THADA: variants seen among roughly 807,000 people sequenced by gnomAD.
THADA encodes tRNA (32-2'-O)-methyltransferase regulator THADA.
In THADA, 213 loss-of-function variants were observed where a neutral mutation model predicts 219.8. The ratio of observed to expected loss-of-function variants is 0.97; its 90% CI spans 0.87 to 1.09. The LOEUF (loss-of-function observed/expected upper bound fraction) is 1.09, where lower values mean the gene tolerates loss of function less well. Ranked by LOEUF, THADA falls within the 50% of genes least tolerant of loss-of-function variation. The probability of loss-of-function intolerance (pLI) is 0.00; values close to 1 mark genes in which losing one functional copy is unlikely to be tolerated. For missense variants in THADA, 2,956 were observed against 2,311.3 expected, an observed-to-expected ratio of 1.28 and a Z score of -5.72; for synonymous variants, 1,018 against 828.9, an observed-to-expected ratio of 1.23 and a Z score of -3.92.
At chr2:43,463,522 C>T (rs542765233) in intron 26 of THADA, among the ~76,000 whole-genome samples, 3 of 152,246 alleles carry the variant, frequency 2.0e-5, no homozygotes, top group Admixed American at 6.5e-5. Flanking sequence ...AAAATGAAAT[C>T]CAAGATAGAA....
chr2:43,469,045 T>TA (rs1684600467), intron 26 of THADA, among the ~76,000 whole-genome samples: 1 of 151,604 alleles, frequency 6.6e-6, no homozygotes, highest in Non-Finnish European at 1.5e-5. Context: ...TACAAGGGAG[T>TA]ATGAGCCCCG....
chr2:43,344,337 A>G (rs1030975589), intron 29 of THADA, 100 bp from the exon 30 acceptor site: 1 of 778,364 alleles, frequency 1.3e-6, no homozygotes, highest in Non-Finnish European at 2.0e-6. Context: ...CCCCTCAAAG[A>G]AAACAGACAC....
In THADA at chr2:43,292,842, A is replaced by G; in HGVS notation, c.4810T>C (p.Phe1604Leu). Residue 1604 changes from phenylalanine to leucine, a missense_variant, in exon 32 of 38, where the codon TTC (phenylalanine) becomes CTC (leucine). Physicochemically the swap from Phe to Leu is conservative, Grantham distance 22. Coordinates refer to ENST00000405975, the MANE Select transcript of THADA (RefSeq NM_022065.5). ...LAMKENHPEC[F>L]CKILKILHCM... is the part of the protein sequence containing the mutation. ...TACGTTGGAGACTTTACCTTGCAGA[A>G]GCATTCTGGGTGATTTTCCTTCATG... The G allele has an allele frequency of 6.2e-7, 1 of 1,612,338 alleles. No homozygotes were observed. The highest frequency in any genetic ancestry group is 2.2e-5 in the East Asian group (1 of 44,876).
chr2:43,398,566 C>G (rs143264807), intron 28 of THADA, among the ~76,000 whole-genome samples: 3 of 151,958 alleles, frequency 2.0e-5, no homozygotes, highest in Non-Finnish European at 4.4e-5. Context: ...ACCAAAAGTA[C>G]GAGACAGTAT....
intron 31 of THADA, among the ~76,000 whole-genome samples, chr2:43,313,867 C>G (rs1439428822): frequency 6.6e-6 from 1 of 152,218 alleles, no homozygotes; most frequent in African/African-American, 2.4e-5. Context: ...CGTGAGGCCA[C>G]AGTGAGGGCA....
intron 26 of THADA, among the ~76,000 whole-genome samples, chr2:43,466,993 T>G (rs1351077299): frequency 6.6e-6 from 1 of 150,824 alleles, no homozygotes. Flanking sequence ...CCATCCTGGC[T>G]AACACGGTGA....
chr2:43,360,498 C>G (rs906532761), intron 29 of THADA, among the ~76,000 whole-genome samples: 3 of 152,216 alleles, frequency 2.0e-5, no homozygotes, highest in African/African-American at 7.2e-5. Flanking sequence ...CTTTTAAGTC[C>G]TAGCCTACTG....
intron 26 of THADA, chr2:43,430,513 C>T (rs1214257564): frequency 5.6e-6 from 3 of 536,940 alleles, no homozygotes; most frequent in Admixed American, 2.9e-5. Flanking sequence ...GAACTTTTAT[C>T]TCAAAATTTA....
chr2:43,306,377 T>TGA (rs1307924796), intron 31 of THADA, among the ~76,000 whole-genome samples: 1 of 152,212 alleles, frequency 6.6e-6, no homozygotes, highest in Non-Finnish European at 1.5e-5. Context: ...TTGTCCACCA[T>TGA]GACCCTGTTT....
chr2:43,406,527 GAGA>G (rs1479016908), intron 28 of THADA, among the ~76,000 whole-genome samples: 2 of 152,172 alleles, frequency 1.3e-5, no homozygotes, highest in Non-Finnish European at 2.9e-5. Context: ...TTAGACAGCT[GAGA>G]AGAAGATTCT....
At chr2:43,248,332 C>T (rs1669473616) in intron 36 of THADA, among the ~76,000 whole-genome samples, 2 of 151,514 alleles carry the variant, frequency 1.3e-5, no homozygotes, top group African/African-American at 2.4e-5. Context: ...CGGGTTCAAG[C>T]GATTCTCCCA....
intron 31 of THADA, among the ~76,000 whole-genome samples, chr2:43,296,073 C>T (rs187575240): frequency 3.7e-4 from 57 of 152,124 alleles, no homozygotes; most frequent in Middle Eastern, 3.4e-3. Context: ...GAGCATGCCA[C>T]CACGCCTGGC....
At chr2:43,322,141 A>G (rs1407671574) in intron 30 of THADA, among the ~76,000 whole-genome samples, 1 of 151,722 alleles carries the variant, frequency 6.6e-6, no homozygotes, top group East Asian at 2.0e-4. Flanking sequence ...ATTCGTGATT[A>G]TCCTGCCTCA....
intron 22 of THADA, among the ~76,000 whole-genome samples, chr2:43,520,855 T>A (rs1182859407): frequency 1.4e-5 from 2 of 141,248 alleles, no homozygotes; most frequent in African/African-American, 2.7e-5. Flanking sequence ...ACTTTCCCAA[T>A]CAGAACCTAG....
In THADA at chr2:43,515,242, AATATATT is replaced by A. The variant is rs1558892283; in HGVS notation, c.3375-6469_3375-6463del. ...ATATTATATATAATATATAATATAT[AATATATT>A]ATATATAATATATAATATATAATAT... On this transcript the variant is annotated intron_variant, in intron 22 of 37. Transcript: ENST00000405975. Among the ~76,000 whole-genome samples the A allele has an allele frequency of 3.7e-3, 66 of 18,076 alleles. 4 individuals carry two copies. Among genetic ancestry groups the A allele is most frequent in the Non-Finnish European group, 6.5e-3 (59 of 9,088 alleles). 11.9% of individuals were successfully genotyped at this position (18,076 alleles called of 152,430 possible). A position where few individuals can be genotyped will look rare whatever the true frequency, so the allele number is the denominator to read the frequency against.
chr2:43,536,730 T>A (rs1694656337), intron 21 of THADA, among the ~76,000 whole-genome samples: 2 of 152,068 alleles, frequency 1.3e-5, no homozygotes, highest in African/African-American at 4.8e-5. Context: ...AATATAAATA[T>A]ATTTTAAATC....
At chr2:43,252,852 A>G (rs1289087260) in intron 36 of THADA, among the ~76,000 whole-genome samples, 1 of 152,086 alleles carries the variant, frequency 6.6e-6, no homozygotes, top group Non-Finnish European at 1.5e-5. Flanking sequence ...GCTGTCTATA[A>G]ACTCACGCTG....
intron 29 of THADA, among the ~76,000 whole-genome samples, chr2:43,391,117 G>C (rs1445461456): frequency 2.0e-5 from 3 of 152,108 alleles, no homozygotes; most frequent in Non-Finnish European, 2.9e-5. Flanking sequence ...CTCCAGAAGA[G>C]GCTCTGTAGG....
At chr2:43,595,378 C>T (rs1702032544) in intron 1 of THADA, among the ~76,000 whole-genome samples, 2 of 152,148 alleles carry the variant, frequency 1.3e-5, no homozygotes, top group African/African-American at 2.4e-5. Context: ...AGGCACGCTT[C>T]CTAAGAAAGT....
Sources: gnomAD v4.1 joint callset for allele counts (sites outside exome capture counted in the v4.1 genomes callset) on GRCh38, gnomAD v4.1.1 for gene constraint, MANE v1.5 for transcripts, NCBI Gene and HGNC (gene_info 2026-07-23, HGNC 2026-07-21) for gene names.